RRM2: variants seen among roughly 807,000 people sequenced by gnomAD.
The protein encoded by RRM2 is ribonucleoside-diphosphate reductase subunit M2.
Under a neutral mutation model 45.9 loss-of-function variants are expected in RRM2, and 6 were observed. The ratio of observed to expected loss-of-function variants is 0.13; its 90% CI spans 0.07 to 0.26. The LOEUF (loss-of-function observed/expected upper bound fraction) is 0.26. Ranked by LOEUF, RRM2 falls within the 10% of genes least tolerant of loss-of-function variation. RRM2 has a pLI of 1.00. For missense variants in RRM2, 343 were observed against 489.5 expected (o/e 0.70, Z 2.82); for synonymous variants, 177 against 173.0 (o/e 1.02, Z -0.18).
At chr2:10,157,311 T>G (rs948320949) in intron 3 of RRM2, among the ~76,000 whole-genome samples, 2 of 152,134 alleles carry the variant, frequency 1.3e-5, no homozygotes, top group Non-Finnish European at 2.9e-5. Flanking sequence ...ATTACAGGAG[T>G]CAGCCACTGC....
At chr2:10,132,799 C>T (rs896272666), downstream of RRM2, among the ~76,000 whole-genome samples, 2 of 152,276 alleles carry the variant, frequency 1.3e-5, no homozygotes, top group East Asian at 1.9e-4. Flanking sequence ...GGCAGCCAGG[C>T]GTCAAGAAGA....
At chr2:10,141,022 G>A (rs1360469948), upstream of RRM2, among the ~76,000 whole-genome samples, 2 of 151,960 alleles carry the variant, frequency 1.3e-5, no homozygotes, top group African/African-American at 2.4e-5. Context: ...TGGCGGCTGG[G>A]GCTGCATCTC....
chr2:10,133,934 T>C (rs1662946208), downstream of RRM2, among the ~76,000 whole-genome samples: 1 of 151,826 alleles, frequency 6.6e-6, no homozygotes, highest in Non-Finnish European at 1.5e-5. Context: ...ATCCCAGCAC[T>C]TTGGGAGGCT....
At position 10,195,579 on chromosome 2, in the gene RRM2, G is replaced by A. The variant is rs1002445443; in HGVS notation, n.483-14732G>A. Among the ~76,000 whole-genome samples, 8 of 152,162 alleles carry A rather than the reference G, an allele frequency of 5.3e-5. No individual in the cohort carries two copies. Among genetic ancestry groups the A allele is most frequent in the African/African-American group, 1.9e-4 (8 of 41,440 alleles). ...GAGAGAGGAGCATCCCAGGCAAAGTGAGCCGCGTTTACCTGGAGACCAAGG... is the reference window on the plus strand; with the variant it reads ...GAGAGAGGAGCATCCCAGGCAAAGTAAGCCGCGTTTACCTGGAGACCAAGG... On this transcript the variant is annotated intron_variant and non_coding_transcript_variant, in intron 3 of 3. Coordinates refer to the RRM2 transcript ENST00000381786. The surrounding 1 kb of genome is among the most constrained non-coding windows in gnomAD (Gnocchi z 4.9).
chr2:10,194,226 G>A (rs2125330219), intron 3 of RRM2, among the ~76,000 whole-genome samples: 1 of 152,294 alleles, frequency 6.6e-6, no homozygotes, highest in East Asian at 1.9e-4. Context: ...ACAAGGCCGT[G>A]GCCAGCTTCC....
chr2:10,158,064 A>G (rs185106547), intron 3 of RRM2, among the ~76,000 whole-genome samples: 229 of 152,282 alleles, frequency 1.5e-3, no homozygotes, highest in Middle Eastern at 3.4e-3. Context: ...TGTGTCAAAC[A>G]CCTCTGGTCA....
chr2:10,192,481 C>T (rs1664329700), intron 3 of RRM2: 1 of 154,514 alleles, frequency 6.5e-6, no homozygotes, highest in African/African-American at 2.4e-5. Context: ...GGACAGAGGT[C>T]TCTCTGCCGG....
At position 10,204,741 on chromosome 2, in the gene RRM2, T is replaced by C. The variant is rs908736744; in HGVS notation, n.483-5570T>C. 6.6e-6 allele frequency among the ~76,000 whole-genome samples: 1 copy of C among 152,238 alleles called. No individual in the cohort carries two copies. The highest frequency in any genetic ancestry group is 2.4e-5 in the African/African-American group (1 of 41,450). On this transcript the variant is annotated intron_variant and non_coding_transcript_variant, in intron 3 of 3. Transcript: ENST00000381786. The surrounding 1 kb of genome is among the most constrained non-coding windows in gnomAD (Gnocchi z 4.0). ...GCCGCATCTGTTCTCAATTGCCCTATGCAGATACTTAGTCTGTGGCTGGGA... is the reference window on the plus strand; with the variant it reads ...GCCGCATCTGTTCTCAATTGCCCTACGCAGATACTTAGTCTGTGGCTGGGA...
downstream of RRM2, among the ~76,000 whole-genome samples, chr2:10,134,500 C>G (rs1466823237): frequency 6.6e-6 from 1 of 152,206 alleles, no homozygotes; most frequent in Non-Finnish European, 1.5e-5. Context: ...TAAAAACCTT[C>G]ACATAAATTT....
intron 3 of RRM2, among the ~76,000 whole-genome samples, chr2:10,152,025 T>C (rs1663320844): frequency 6.6e-6 from 1 of 152,052 alleles, no homozygotes; most frequent in Non-Finnish European, 1.5e-5. Context: ...CTCGGCTCAC[T>C]GCAAGCTCCG....
intron 3 of RRM2, among the ~76,000 whole-genome samples, chr2:10,194,845 C>T (rs1664380983): frequency 6.6e-6 from 1 of 152,244 alleles, no homozygotes; most frequent in South Asian, 2.1e-4. Context: ...CCTGACTTTC[C>T]TCCCTGCCTC....
At chr2:10,184,338 C>T (rs1412324997) in intron 3 of RRM2, among the ~76,000 whole-genome samples, 1 of 152,192 alleles carries the variant, frequency 6.6e-6, no homozygotes, top group Non-Finnish European at 1.5e-5. Context: ...ACAAAACTTC[C>T]TTCCCTTCCG....
intron 3 of RRM2, among the ~76,000 whole-genome samples, chr2:10,150,557 T>C (rs1663287545): frequency 6.6e-6 from 1 of 151,174 alleles, no homozygotes; most frequent in African/African-American, 2.4e-5. Flanking sequence ...TACAATAAAC[T>C]GCGCCTATTG....
At chr2:10,193,457 C>A (rs1367938237) in intron 3 of RRM2, among the ~76,000 whole-genome samples, 2 of 152,182 alleles carry the variant, frequency 1.3e-5, no homozygotes, top group African/African-American at 4.8e-5. Context: ...GCCTCAGTGT[C>A]CCCCACTGTC....
intron 5 of RRM2, among the ~76,000 whole-genome samples, chr2:10,125,282 G>A (rs1031281706): frequency 1.3e-5 from 2 of 152,332 alleles, no homozygotes; most frequent in African/African-American, 2.4e-5. Flanking sequence ...GGCAGAGGCA[G>A]CAGTGAACCC....
At chr2:10,131,767 C>T (rs1038350526), downstream of RRM2, among the ~76,000 whole-genome samples, 4 of 152,192 alleles carry the variant, frequency 2.6e-5, no homozygotes, top group African/African-American at 2.4e-5. Context: ...TAAAGGCTAA[C>T]GAATTCATTT....
intron 3 of RRM2, among the ~76,000 whole-genome samples, chr2:10,175,629 G>T (rs79647448): frequency 6.6e-6 from 1 of 152,118 alleles, no homozygotes; most frequent in African/African-American, 2.4e-5. Context: ...ACAGAGTCTC[G>T]CTATGTACCC....
Position 10,123,523 on chromosome 2 carries a change from C to T in RRM2, c.311C>T (p.Ala104Val). Residue 104 changes from alanine (A) to valine (V), a missense_variant, in exon 3 of 10, where the codon GCC becomes GTC. Around this residue, in one of 2 missense-constraint regions of RRM2, gnomAD observed 212 missense variants for 368.1 expected, o/e 0.58. Transcript: ENST00000304567. ...YKKAEASFWT[A>V]EEVDLSKDIQ... ...AAGGCAGAGGCTTCCTTTTGGACCG[C>T]CGAGGAGGTAATCGGAGGACCCCAG... The T allele has an allele frequency of 1.2e-6, 2 of 1,612,308 alleles. No individual in the cohort carries two copies. The highest frequency in any genetic ancestry group is 1.7e-6 in the Non-Finnish European group (2 of 1,179,374).
At chr2:10,122,630 C>A (rs746378529), upstream of RRM2, 1 of 1,538,290 alleles carries the variant, frequency 6.5e-7, no homozygotes, top group Non-Finnish European at 8.8e-7. Context: ...TGGGAAGGGT[C>A]GGAGGCATGG....
Sources: allele counts gnomAD v4.1 joint callset (sites outside exome capture counted in the v4.1 genomes callset), GRCh38; gene constraint gnomAD v4.1.1; regional missense constraint gnomAD v4.1.1; non-coding constraint Gnocchi (gnomAD v3.1); transcripts MANE v1.5; gene names NCBI Gene and HGNC (gene_info 2026-07-23, HGNC 2026-07-21).